The following GPHN variants were observed in gnomAD, a reference collection of about 807,000 sequenced individuals.
The protein encoded by GPHN is gephyrin.
A neutral mutation model predicts 95.5 loss-of-function variants in GPHN; 17 were observed. The observed-to-expected ratio is 0.18, with a 90% CI of 0.12 to 0.27. GPHN has a LOEUF of 0.27. GPHN is among the 10% of genes least tolerant of loss of function. The probability of loss-of-function intolerance (pLI) is 1.00; values close to 1 mark genes in which losing one functional copy is unlikely to be tolerated. For missense variants in GPHN, 660 were observed against 978.1 expected, an observed-to-expected ratio of 0.67 and a Z score of 4.34; for synonymous variants, 320 against 322.5, an observed-to-expected ratio of 0.99 and a Z score of 0.08.
chr14:67,331,129 C>T, the GPHN span, among the ~76,000 whole-genome samples: 1 of 152,182 alleles, frequency 6.6e-6, no homozygotes, highest in Non-Finnish European at 1.5e-5. Flanking sequence ...ACTGCAACCT[C>T]TGCTTCCTGG....
intron 9 of GPHN, among the ~76,000 whole-genome samples, chr14:66,999,425 T>A (rs1020198889): frequency 4.6e-5 from 7 of 151,898 alleles, no homozygotes; most frequent in Non-Finnish European, 8.8e-5. Context: ...CATCTAACAT[T>A]TATGGTTATA....
the GPHN span, chr14:67,569,131 G>A: frequency 4.4e-6 from 7 of 1,606,794 alleles, no homozygotes; most frequent in South Asian, 7.7e-5. Flanking sequence ...GAGACCTCTT[G>A]TTTCAGGAGA....
the GPHN span, chr14:67,301,825 T>C: frequency 2.2e-6 from 2 of 928,048 alleles, no homozygotes; most frequent in Non-Finnish European, 3.0e-6. Context: ...GCCCTTAGTA[T>C]ACTTAACACA....
chr14:67,156,970 CAA>C (rs769476551), intron 18 of GPHN, among the ~76,000 whole-genome samples: 34 of 86,080 alleles, frequency 3.9e-4, no homozygotes, highest in Admixed American at 3.9e-4. Flanking sequence ...GACTCTGTCT[CAA>C]AAAAAAAAAA....
intron 10 of GPHN, among the ~76,000 whole-genome samples, chr14:67,047,364 T>TGTGTGTGTG (rs1567253693): frequency 2.1e-5 from 1 of 47,850 alleles, no homozygotes; most frequent in African/African-American, 7.5e-5. Flanking sequence ...GTGTGTGTGT[T>TGTGTGTGTG]TGTTTTTTTT....
At chr14:67,087,842 G>T (rs1256070311) in intron 11 of GPHN, among the ~76,000 whole-genome samples, 1 of 152,088 alleles carries the variant, frequency 6.6e-6, no homozygotes, top group Admixed American at 6.5e-5. Context: ...TATATTACTT[G>T]TCTTGGTTTC....
chr14:66,792,849 A>T (rs186188185), intron 3 of GPHN, among the ~76,000 whole-genome samples: 40 of 152,400 alleles, frequency 2.6e-4, no homozygotes, highest in African/African-American at 8.9e-4. Flanking sequence ...ACAGCAAGCC[A>T]GTCATTAGCA....
the GPHN span, among the ~76,000 whole-genome samples, chr14:67,308,263 A>G: frequency 1.3e-5 from 2 of 151,470 alleles, no homozygotes; most frequent in Non-Finnish European, 2.9e-5. Flanking sequence ...TGTAAAAAGT[A>G]TAAAAGCCAA....
chr14:67,068,684 A>G (rs111818013), intron 11 of GPHN, among the ~76,000 whole-genome samples: 3 of 152,346 alleles, frequency 2.0e-5, no homozygotes, highest in African/African-American at 7.2e-5. Flanking sequence ...ACATGATTAA[A>G]GACTTCAGTG....
At chr14:66,699,004 T>C (rs970138588) in intron 2 of GPHN, among the ~76,000 whole-genome samples, 2 of 152,042 alleles carry the variant, frequency 1.3e-5, no homozygotes, top group African/African-American at 2.4e-5. Context: ...TAAGAAATCA[T>C]TGTGACCTGA....
chr14:67,198,955 C>T, the GPHN span: 4 of 702,200 alleles, frequency 5.7e-6, no homozygotes, highest in African/African-American at 3.5e-5. Context: ...TTACCTCTAA[C>T]TCTTAATACA....
intron 5 of GPHN, among the ~76,000 whole-genome samples, chr14:66,911,732 A>G (rs1047889926): frequency 5.9e-5 from 9 of 152,052 alleles, no homozygotes; most frequent in African/African-American, 2.2e-4. Context: ...AACATAGAAT[A>G]TTGAACTTCT....
At chr14:67,557,129 TG>T in the GPHN span, 1 of 622,144 alleles carries the variant, frequency 1.6e-6, no homozygotes, top group Non-Finnish European at 2.8e-6. Flanking sequence ...TTGAATTAAT[TG>T]GCTCAGACTG....
rs548208484 is a variant in GPHN at position 66,700,320 on chromosome 14, A to T, written c.143+19135A>T. Reference sequence around the variant, plus strand: ...AACGAATATTTTATTTTTGACACACATACTGGAATTTCTAAACTGTGTGAG... The same window carrying T: ...AACGAATATTTTATTTTTGACACACTTACTGGAATTTCTAAACTGTGTGAG... On this transcript the variant is annotated intron_variant, in intron 2 of 22. Coordinates refer to ENST00000478722, the MANE Select transcript of GPHN (RefSeq NM_020806.5). Among the ~76,000 whole-genome samples, 3 of 152,322 alleles carry T rather than the reference A, an allele frequency of 2.0e-5. No individual in the cohort carries two copies. The South Asian group carries it at 6.2e-4, about 32-fold the overall frequency.
At chr14:67,561,731 C>T in the GPHN span, among the ~76,000 whole-genome samples, 2 of 150,206 alleles carry the variant, frequency 1.3e-5, no homozygotes, top group Non-Finnish European at 3.0e-5. Context: ...TTAACTGGGC[C>T]TGGTGGTGTG....
At chr14:67,153,864 T>C (rs1256737204) in intron 18 of GPHN, among the ~76,000 whole-genome samples, 1 of 152,084 alleles carries the variant, frequency 6.6e-6, no homozygotes, top group Non-Finnish European at 1.5e-5. Context: ...CTTCAATAGG[T>C]AAACAAAAAT....
chr14:66,751,121 A>G (rs1234253585), intron 2 of GPHN, among the ~76,000 whole-genome samples: 2 of 151,940 alleles, frequency 1.3e-5, no homozygotes, highest in Non-Finnish European at 2.9e-5. Context: ...CCTAAAAGAA[A>G]CATTGCTCTT....
intron 2 of GPHN, among the ~76,000 whole-genome samples, chr14:66,761,385 T>C (rs1471764656): frequency 6.6e-6 from 1 of 152,164 alleles, no homozygotes; most frequent in Non-Finnish European, 1.5e-5. Flanking sequence ...ATATTCCCTT[T>C]ATTAATATTA....
chr14:67,442,737 T>A, the GPHN span, among the ~76,000 whole-genome samples: 1 of 152,172 alleles, frequency 6.6e-6, no homozygotes, highest in Non-Finnish European at 1.5e-5. Context: ...AAACAAGCAG[T>A]CAGAGCTGAG....
Sources: allele counts gnomAD v4.1 joint callset (sites outside exome capture counted in the v4.1 genomes callset), GRCh38; gene constraint gnomAD v4.1.1; transcripts MANE v1.5; gene names NCBI Gene and HGNC (gene_info 2026-07-23, HGNC 2026-07-21).